Variants in JADE2 observed in about 807,000 individuals in gnomAD.
JADE2 encodes the protein jade family PHD finger 2.
In JADE2, 13 loss-of-function variants were observed where a neutral mutation model predicts 85.7. That is an observed-to-expected ratio of 0.15 (90% CI 0.10 to 0.24). The LOEUF (loss-of-function observed/expected upper bound fraction) is 0.24, where lower values mean the gene tolerates loss of function less well. Among genes scored for constraint, JADE2 ranks in the 10% least tolerant of loss-of-function variants. The pLI is 1.00. For synonymous variants in JADE2, 440 were observed against 456.1 expected, an observed-to-expected ratio of 0.96 and a Z score of 0.45; for missense variants, 846 against 1,115.9, an observed-to-expected ratio of 0.76 and a Z score of 3.45.
At chr5:134,577,720 G>C (rs1364932422) in intron 11 of JADE2, among the ~76,000 whole-genome samples, 6 of 152,134 alleles carry the variant, frequency 3.9e-5, no homozygotes, top group Admixed American at 2.0e-4. Flanking sequence ...GCAAAAAGAA[G>C]GGGATAACTT....
intron 1 of JADE2, among the ~76,000 whole-genome samples, chr5:134,533,039 A>G (rs1313372894): frequency 3.3e-5 from 5 of 152,174 alleles, no homozygotes; most frequent in Middle Eastern, 3.2e-3. Context: ...TGTTTTGTGG[A>G]GGACAGGGTT....
rs929996418 is a variant in JADE2 at position 134,532,087 on chromosome 5, G to A, written c.1-3771G>A. On this transcript the variant is annotated intron_variant, in intron 1 of 11. Coordinates refer to ENST00000681547, the MANE Select transcript of JADE2 (RefSeq NM_001388185.1). ...TTTCATAGAGTCGGGGATTTGCCAT[G>A]TTGCCCAGACTGATCTTGAACTCCT... Among the ~76,000 whole-genome samples, 5 of 151,974 alleles carry A rather than the reference G, an allele frequency of 3.3e-5. No homozygotes were observed. In the East Asian group the frequency reaches 9.7e-4, roughly 29 times the overall value.
chr5:134,573,230 A>T (rs1051971500), intron 9 of JADE2, among the ~76,000 whole-genome samples: 3 of 152,190 alleles, frequency 2.0e-5, no homozygotes, highest in Non-Finnish European at 4.4e-5. Context: ...GAGGTTGGTG[A>T]CCTGGTGAGA....
chr5:134,541,956 A>G (rs1163841555), intron 3 of JADE2, among the ~76,000 whole-genome samples: 1 of 152,250 alleles, frequency 6.6e-6, no homozygotes, highest in Non-Finnish European at 1.5e-5. Flanking sequence ...GCCCTTGCCC[A>G]ATGGCTGGCC....
intron 3 of JADE2, among the ~76,000 whole-genome samples, chr5:134,548,137 T>C (rs1196789884): frequency 6.6e-6 from 1 of 152,176 alleles, no homozygotes; most frequent in East Asian, 1.9e-4. Flanking sequence ...TGCAGTTCAG[T>C]GTGGGCACAG....
chr5:134,554,424 G>A (rs1762789587), intron 4 of JADE2, among the ~76,000 whole-genome samples: 1 of 152,130 alleles, frequency 6.6e-6, no homozygotes, highest in Non-Finnish European at 1.5e-5. Context: ...TCTTGATTAG[G>A]CTTGGCCCAG....
intron 7 of JADE2, among the ~76,000 whole-genome samples, chr5:134,563,326 A>AC (rs1252594586): frequency 6.6e-6 from 1 of 151,940 alleles, no homozygotes; most frequent in East Asian, 1.9e-4. Flanking sequence ...AAAAAAAAAA[A>AC]AAAGAGAATC....
intron 4 of JADE2, among the ~76,000 whole-genome samples, chr5:134,553,897 A>G (rs917079317): frequency 2.0e-5 from 3 of 152,166 alleles, no homozygotes; most frequent in African/African-American, 7.2e-5. Context: ...GCCTCCAGCT[A>G]CGGAGTTCAG....
At chr5:134,526,265 T>C (rs1045588537) in intron 1 of JADE2, 3 of 985,242 alleles carry the variant, frequency 3.0e-6, no homozygotes, top group Non-Finnish European at 3.6e-6. Flanking sequence ...GAGGGGCGCA[T>C]GCAACAACAA....
chr5:134,524,882 C>T (rs1053453645), upstream of JADE2, among the ~76,000 whole-genome samples: 12 of 152,238 alleles, frequency 7.9e-5, no homozygotes, highest in Non-Finnish European at 1.0e-4. Flanking sequence ...CTCCACTCCC[C>T]TCCTGCCAGC....
rs1160154888 is a variant in JADE2 at position 134,579,213 on chromosome 5, G to C, written c.2401G>C (p.Glu801Gln). ...TETDGYFSDG[E>Q]MSDSDVEAED... The stretch of plus-strand genomic sequence containing the variant: ...GACTGATGGCTACTTCTCTGATGGG[G>C]AGATGAGCGACTCAGATGTAGAGGC... The change falls in exon 12 of 12, where the codon GAG becomes CAG. Residue 801 changes from glutamate (E) to glutamine (Q), a missense_variant. Transcript: ENST00000681547. This position sits in a 1 kb window ranked among gnomAD's most constrained non-coding sequence, Gnocchi z 4.6. The C allele has an allele frequency of 6.2e-7, 1 of 1,614,216 alleles. No individual in the cohort carries two copies. Among genetic ancestry groups the C allele is most frequent in the Non-Finnish European group, 8.5e-7 (1 of 1,180,042 alleles).
chr5:134,534,304 G>A (rs950884693), intron 1 of JADE2, among the ~76,000 whole-genome samples: 11 of 151,928 alleles, frequency 7.2e-5, no homozygotes, highest in African/African-American at 1.9e-4. Flanking sequence ...ACCCCCTCCC[G>A]CTACTGTGAG....
chr5:134,559,313 G>A (rs1271576612), intron 4 of JADE2, among the ~76,000 whole-genome samples: 3 of 152,198 alleles, frequency 2.0e-5, no homozygotes, highest in Admixed American at 1.3e-4. Flanking sequence ...GCTTCTGAGA[G>A]TACGTAGACA....
upstream of JADE2, among the ~76,000 whole-genome samples, chr5:134,525,120 C>T (rs1475338736): frequency 6.7e-6 from 1 of 150,336 alleles, no homozygotes; most frequent in Non-Finnish European, 1.5e-5. Context: ...ATTTTAAGTA[C>T]GTCATTAATA....
At chr5:134,570,834 TCA>T (rs1283008177) in intron 9 of JADE2, among the ~76,000 whole-genome samples, 1 of 152,220 alleles carries the variant, frequency 6.6e-6, no homozygotes, top group African/African-American at 2.4e-5. Flanking sequence ...CCACTGTCTT[TCA>T]CGGCTGCCCA....
At position 134,562,838 on chromosome 5, in the gene JADE2, G is replaced by A. The variant is rs1038910214; in HGVS notation, c.852+471G>A. 5.9e-5 allele frequency among the ~76,000 whole-genome samples: 9 copies of A among 152,210 alleles called. No individual in the cohort carries two copies. The highest frequency in any genetic ancestry group is 1.9e-4 in the African/African-American group (8 of 41,452). On this transcript the variant is annotated intron_variant, in intron 7 of 11. Transcript: ENST00000681547. This position sits in a 1 kb window ranked among gnomAD's most constrained non-coding sequence, Gnocchi z 4.6. ...GCAAAGAATCCAGGCCGCAGCTATA[G>A]GGAGCTTTGCTTGTGGACTTGGACA...
In JADE2 at chr5:134,573,663, A is replaced by G. The variant is rs943491297; in HGVS notation, c.1453A>G (p.Met485Val). The stretch of plus-strand genomic sequence containing the variant: ...TTCTCAGGTTAGAAATCTGTGCTAC[A>G]TGGTGACAAGGCGCGAGAGAACGAA... ...DLERVRNLCYMVTRRERTKHA... is the reference protein window; with the variant it reads ...DLERVRNLCYVVTRRERTKHA... The change falls in exon 10 of 12, where the codon ATG (methionine) becomes GTG (valine). Residue 485 changes from methionine to valine, a missense_variant. Coordinates refer to ENST00000681547, the MANE Select transcript of JADE2 (RefSeq NM_001388185.1). 1.2e-6 allele frequency: 2 copies of G among 1,613,318 alleles called. No homozygotes were observed. Among genetic ancestry groups the G allele is most frequent in the African/African-American group, 1.3e-5 (1 of 74,920 alleles).
At chr5:134,537,635 T>C (rs558034036) in intron 2 of JADE2, among the ~76,000 whole-genome samples, 5 of 152,300 alleles carry the variant, frequency 3.3e-5, no homozygotes, top group South Asian at 4.1e-4. Context: ...ATTTGGACAG[T>C]ACCTAACCTG....
intron 10 of JADE2, among the ~76,000 whole-genome samples, chr5:134,576,065 G>A (rs576293305): frequency 2.6e-5 from 4 of 152,142 alleles, no homozygotes; most frequent in Non-Finnish European, 5.9e-5. Flanking sequence ...CGGGTGTGGT[G>A]GCATGCACCT....
Sources: gnomAD v4.1 joint callset for allele counts (sites outside exome capture counted in the v4.1 genomes callset) on GRCh38, gnomAD v4.1.1 for gene constraint, Gnocchi (gnomAD v3.1) non-coding constraint, MANE v1.5 for transcripts, NCBI Gene and HGNC (gene_info 2026-07-23, HGNC 2026-07-21) for gene names.